Variants in DHX29 observed in about 807,000 individuals in gnomAD.
DHX29 encodes the protein DExH-box helicase 29.
A neutral mutation model predicts 167.9 loss-of-function variants in DHX29; 79 were observed. The ratio of observed to expected loss-of-function variants is 0.47; its 90% confidence interval spans 0.39 to 0.57. DHX29 has a LOEUF of 0.57. Ranked by LOEUF, DHX29 falls within the 20% of genes least tolerant of loss-of-function variation. The pLI, the probability that DHX29 is intolerant of heterozygous loss-of-function variation, is 0.00. For synonymous variants in DHX29, 530 were observed against 546.0 expected (o/e 0.97, Z 0.41); for missense variants, 1,347 against 1,593.4 (o/e 0.85, Z 2.63).
intron 21 of DHX29, among the ~76,000 whole-genome samples, chr5:55,268,379 A>G (rs2111817909): frequency 6.6e-6 from 1 of 152,338 alleles, no homozygotes; most frequent in South Asian, 2.1e-4. Context: ...CCAAACAAAG[A>G]GAGACTATAG....
At chr5:55,298,450 T>C (rs1748428264) in intron 2 of DHX29, 141 bp downstream of exon 2, 2 of 569,676 alleles carry the variant, frequency 3.5e-6, no homozygotes, top group South Asian at 2.0e-5. Context: ...TTTACTTATT[T>C]TTAGTAGAGA....
chr5:55,273,485 T>G, intron 16 of DHX29, 108 bp from the exon 17 acceptor site: 27 of 1,278,474 alleles, frequency 2.1e-5, no homozygotes, highest in Non-Finnish European at 2.6e-5. Flanking sequence ...TTTTTTACTA[T>G]GAAAAAATTT....
chr5:55,258,415 G>A (rs1250234609), intron 26 of DHX29, among the ~76,000 whole-genome samples: 2 of 152,118 alleles, frequency 1.3e-5, no homozygotes, highest in African/African-American at 2.4e-5. Flanking sequence ...GCCTTAGAGG[G>A]GAAATGTTAC....
rs1282685958 is a variant in DHX29, at chr5:55,295,504, T to C, written c.526A>G (p.Ser176Gly). 1.9e-6 allele frequency: 3 copies of C among 1,613,774 alleles called. No homozygotes were observed. The highest frequency in any genetic ancestry group is 2.5e-6 in the Non-Finnish European group (3 of 1,179,936). ...GGTTGCTGCTCTTCAAATTCCTGAC[T>C]GAATCCTTCAGGAAGTGCATCTTAA... ...LSDDALPEGF[S>G]QEFEEQQPKS... Residue 176 changes from serine to glycine, a missense_variant, in exon 5 of 27, where the codon AGT becomes GGT. Transcript: ENST00000251636.
Position 55,256,535 on chromosome 5 carries a change from T to G in DHX29, c.4063A>C (p.Lys1355Gln). 6.3e-7 allele frequency: 1 copy of G among 1,593,384 alleles called. No individual in the cohort carries two copies. Among genetic ancestry groups the G allele is most frequent in the South Asian group, 1.2e-5 (1 of 85,944 alleles). The change falls in exon 27 of 27, where the codon AAG becomes CAG. Residue 1355 changes from lysine (K) to glutamine (Q), a missense_variant. Lys to Gln is a moderately conservative substitution (Grantham distance 53, BLOSUM62 1). Coordinates refer to ENST00000251636, the MANE Select transcript of DHX29 (RefSeq NM_019030.4). Reference protein sequence around the residue: ...ENPKMSLENDKILQIITELIK... With the variant: ...ENPKMSLENDQILQIITELIK... ...AATTCCGTAATGATCTGCAGAATCT[T>G]GTCATCTGAGTGGAAGGAAAAAAAA...
chr5:55,265,580 T>C (rs1746518356), intron 23 of DHX29, among the ~76,000 whole-genome samples: 1 of 151,314 alleles, frequency 6.6e-6, no homozygotes, highest in African/African-American at 2.4e-5. Context: ...ACTGAGAAAG[T>C]GGTAACTATA....
intron 11 of DHX29, among the ~76,000 whole-genome samples, chr5:55,282,019 C>A (rs1467430448): frequency 6.6e-6 from 1 of 152,104 alleles, no homozygotes; most frequent in Non-Finnish European, 1.5e-5. Flanking sequence ...CTCCTGACCT[C>A]AGGTGATCCC....
intron 3 of DHX29, among the ~76,000 whole-genome samples, 160 bp from the exon 4 acceptor site, chr5:55,296,509 G>C (rs1215166440): frequency 1.3e-5 from 2 of 151,958 alleles, no homozygotes; most frequent in African/African-American, 4.8e-5. Context: ...ACTGAATTAA[G>C]AATTTGGAAA....
At chr5:55,258,770 C>G (rs916467122) in intron 26 of DHX29, among the ~76,000 whole-genome samples, 2 of 152,088 alleles carry the variant, frequency 1.3e-5, no homozygotes, top group African/African-American at 4.8e-5. Context: ...CGAGGCTAGT[C>G]TTGAACTCCT....
rs964030340 is a variant in DHX29, at chr5:55,273,349, G to T, written c.2719C>A (p.Leu907Ile). 6.9e-6 allele frequency: 11 copies of T among 1,591,926 alleles called. No homozygotes were observed. In the African/African-American group the frequency reaches 1.5e-4, roughly 21 times the overall value. ...GCTGCAGCTTGATCTTGGGTTGAAA[G>T]AATAGAATGCAGAGCTATCACTTTA... ...RYKVIALHSILSTQDQAAAFT... is the reference protein window; with the variant it reads ...RYKVIALHSIISTQDQAAAFT... Residue 907 changes from leucine to isoleucine, a missense_variant, in exon 17 of 27, where the codon CTT becomes ATT. By Grantham distance (5) the Leu-to-Ile change is conservative. Transcript: ENST00000251636.
rs756365030 is a variant in DHX29, at chr5:55,259,939, A to G, written c.3966T>C (p.Pro1322=). The G allele has an allele frequency of 6.2e-7, 1 of 1,606,082 alleles. No homozygotes were observed. The highest frequency in any genetic ancestry group is 8.5e-7 in the Non-Finnish European group (1 of 1,173,088). ...SIDGWIYFQA[P]VKIAVIFKQL... is the part of the protein sequence containing the mutation. The stretch of plus-strand genomic sequence containing the variant: ...GCTTGAAAATGACAGCTATCTTTAC[A>G]GGGGCCTGTTAAGAGGAGTTGAAAA... The change falls in exon 26 of 27, where the codon CCT becomes CCC. Residue 1322 remains proline, a synonymous_variant. Transcript: ENST00000251636.
At chr5:55,292,930 A>G (rs1330123288) in intron 6 of DHX29, among the ~76,000 whole-genome samples, 1 of 152,172 alleles carries the variant, frequency 6.6e-6, no homozygotes, top group African/African-American at 2.4e-5. Flanking sequence ...ACTGCCCTAA[A>G]TATTTTACTT....
chr5:55,274,534 A>G, intron 16 of DHX29, 80 bp downstream of exon 16: 2 of 1,066,138 alleles, frequency 1.9e-6, no homozygotes, highest in Non-Finnish European at 1.3e-6. Flanking sequence ...AGACTTTGAA[A>G]ACTCTGATCA....
At position 55,276,550 on chromosome 5, in the gene DHX29, G is replaced by C. The variant is rs527613768; in HGVS notation, c.2287-144C>G. ...GAAAAAAAATTTTTAGTATTATTTG[G>C]GAATGAAGACTTGGTTGACATAGAG... On this transcript the variant is annotated intron_variant, in intron 13 of 26. Coordinates refer to ENST00000251636, the MANE Select transcript of DHX29 (RefSeq NM_019030.4). 19 of 621,128 alleles carry C rather than the reference G, an allele frequency of 3.1e-5. No homozygotes were observed. In the African/African-American group the frequency reaches 3.3e-4, roughly 11 times the overall value. 38.5% of individuals were successfully genotyped at this position (621,128 alleles called of 1,614,324 possible).
Position 55,290,099 on chromosome 5 carries a change from C to G in DHX29, c.907+119G>C, listed in dbSNP as rs958355337. On this transcript the variant is annotated intron_variant, in intron 7 of 26. Transcript: ENST00000251636. ...CTTATTATTTTAAAAGTTTGCTAAT[C>G]CCATGTATAAACTGTTAGAAAAGGG... 3 of 1,209,546 alleles carry G rather than the reference C, an allele frequency of 2.5e-6. No homozygotes were observed. The African/African-American group carries it at 4.6e-5, about 18-fold the overall frequency. 74.9% of individuals were successfully genotyped at this position (1,209,546 alleles called of 1,614,324 possible).
chr5:55,298,587 T>C lies in DHX29; in HGVS notation c.261+4A>G. The C allele has an allele frequency of 6.7e-7, 1 of 1,499,322 alleles. No homozygotes were observed. 92.9% of individuals were successfully genotyped at this position (1,499,322 alleles called of 1,614,324 possible). On this transcript the variant is annotated splice_donor_region_variant and intron_variant, in intron 2 of 26. Transcript: ENST00000251636. Reference sequence around the variant, plus strand: ...TGAAATGACTCAAAACCTTTGTTACTTACTTTCAAAATAGATTTATCCAGA... The same window carrying C: ...TGAAATGACTCAAAACCTTTGTTACCTACTTTCAAAATAGATTTATCCAGA...
At chr5:55,290,570 A>G (rs982474422) in intron 6 of DHX29, among the ~76,000 whole-genome samples, 7 of 152,242 alleles carry the variant, frequency 4.6e-5, no homozygotes, top group African/African-American at 1.7e-4. Flanking sequence ...TGGAAATCAT[A>G]TATGACACAT....
intron 1 of DHX29, among the ~76,000 whole-genome samples, chr5:55,304,075 A>G (rs1376056446): frequency 6.6e-6 from 1 of 152,158 alleles, no homozygotes; most frequent in African/African-American, 2.4e-5. Flanking sequence ...AAGCAGCTTA[A>G]TTATACTTAG....
At chr5:55,265,935 C>T (rs1018080854) in intron 23 of DHX29, among the ~76,000 whole-genome samples, 3 of 151,516 alleles carry the variant, frequency 2.0e-5, no homozygotes, top group Non-Finnish European at 2.9e-5. Flanking sequence ...TGAAATTTTT[C>T]GTAATTAAAT....
Sources: gnomAD v4.1 joint callset for allele counts (sites outside exome capture counted in the v4.1 genomes callset) on GRCh38, gnomAD v4.1.1 for gene constraint, MANE v1.5 for transcripts, NCBI Gene and HGNC (gene_info 2026-07-23, HGNC 2026-07-21) for gene names.